Variants in KALRN observed in about 807,000 individuals in gnomAD.
KALRN encodes the protein kalirin RhoGEF kinase.
KALRN carries 70 observed loss-of-function variants against 353.7 expected under a neutral mutation model. The ratio of observed to expected loss-of-function variants is 0.20; its 90% CI spans 0.16 to 0.24. The LOEUF is 0.24. KALRN is among the 10% of genes least tolerant of loss of function. The probability of loss-of-function intolerance (pLI) is 1.00; values close to 1 mark genes in which losing one functional copy is unlikely to be tolerated. For missense variants in KALRN, 2,791 were observed against 3,756.7 expected, an observed-to-expected ratio of 0.74 and a Z score of 6.72; for synonymous variants, 1,391 against 1,434.8, an observed-to-expected ratio of 0.97 and a Z score of 0.69.
At chr3:124,058,474 C>T (rs2041743093) in intron 1 of KALRN, among the ~76,000 whole-genome samples, 1 of 152,126 alleles carries the variant, frequency 6.6e-6, no homozygotes, top group African/African-American at 2.4e-5. Flanking sequence ...ACCCATTTAT[C>T]TTTGTGCTTT....
intron 34 of KALRN, among the ~76,000 whole-genome samples, chr3:124,587,435 T>C (rs549335098): frequency 6.6e-6 from 1 of 152,262 alleles, no homozygotes; most frequent in East Asian, 1.9e-4. Context: ...AGGACAAAAG[T>C]AAAAGAACCA....
chr3:124,637,883 G>C (rs2081544811), intron 37 of KALRN, among the ~76,000 whole-genome samples: 1 of 152,082 alleles, frequency 6.6e-6, no homozygotes, highest in African/African-American at 2.4e-5. Context: ...GCCTGTGACT[G>C]TCTCATGGAC....
chr3:124,387,631 T>TC (rs2088598223), intron 11 of KALRN, among the ~76,000 whole-genome samples: 1 of 152,126 alleles, frequency 6.6e-6, no homozygotes, highest in Non-Finnish European at 1.5e-5. Context: ...ATTTTTTTTT[T>TC]CCATCAGAGA....
At chr3:124,520,711 A>G (rs963041656) in intron 33 of KALRN, among the ~76,000 whole-genome samples, 1 of 152,162 alleles carries the variant, frequency 6.6e-6, no homozygotes, top group Admixed American at 6.5e-5. Context: ...ATTGTTAAGA[A>G]CCTCATGGCT....
At chr3:124,037,305 G>A (rs1258457769) in intron 1 of KALRN, among the ~76,000 whole-genome samples, 2 of 152,214 alleles carry the variant, frequency 1.3e-5, no homozygotes, top group Non-Finnish European at 2.9e-5. Flanking sequence ...AACTACAGAG[G>A]AGGTGGAACT....
At chr3:124,215,273 G>A (rs890538968) in intron 1 of KALRN, among the ~76,000 whole-genome samples, 4 of 152,138 alleles carry the variant, frequency 2.6e-5, no homozygotes, top group Admixed American at 6.5e-5. Context: ...AGTACTCGCC[G>A]AATAGCCCAG....
chr3:124,507,846 A>G (rs2065408189), intron 33 of KALRN, among the ~76,000 whole-genome samples: 2 of 152,240 alleles, frequency 1.3e-5, no homozygotes, highest in Admixed American at 1.3e-4. Flanking sequence ...TTAAACCAGA[A>G]GCATACTTTT....
At position 124,446,712 on chromosome 3, in the gene KALRN, C is replaced by T. The variant is rs548814528; in HGVS notation, c.3430-51C>T. 11 of 1,610,890 alleles carry T rather than the reference C, an allele frequency of 6.8e-6. No individual in the cohort carries two copies. In the South Asian group the frequency reaches 1.2e-4, roughly 18 times the overall value. ...CCTTCATTGTAGTATGGCATGTTTT[C>T]CTACTGACAGCTGCCTTTTTGGGGA... On this transcript the variant is annotated intron_variant, in intron 20 of 59. Transcript: ENST00000682506.
chr3:124,166,912 G>GT (rs1332117491), intron 1 of KALRN, among the ~76,000 whole-genome samples: 1 of 152,078 alleles, frequency 6.6e-6, no homozygotes, highest in Non-Finnish European at 1.5e-5. Context: ...AGTCCTGGTG[G>GT]TATGTGCCTG....
At chr3:124,252,649 C>T (rs937432051) in intron 3 of KALRN, among the ~76,000 whole-genome samples, 1 of 152,176 alleles carries the variant, frequency 6.6e-6, no homozygotes, top group South Asian at 2.1e-4. Context: ...GAATAATAAC[C>T]TGGGTAAGAG....
At chr3:124,412,087 A>C (rs77009990) in intron 13 of KALRN, among the ~76,000 whole-genome samples, 1 of 151,974 alleles carries the variant, frequency 6.6e-6, no homozygotes, top group Non-Finnish European at 1.5e-5. Context: ...GTTGTTAGAC[A>C]AAAAAAATGA....
intron 38 of KALRN, among the ~76,000 whole-genome samples, chr3:124,651,420 ATC>A (rs1263147783): frequency 6.6e-6 from 1 of 152,216 alleles, no homozygotes. Flanking sequence ...TTAATTTTGC[ATC>A]TGTTTCTGGG....
chr3:124,282,836 G>A (rs2149056898), intron 5 of KALRN, among the ~76,000 whole-genome samples: 1 of 152,308 alleles, frequency 6.6e-6, no homozygotes, highest in South Asian at 2.1e-4. Context: ...ACACTGCCAA[G>A]CTTCTCCTTG....
chr3:124,489,301 C>T (rs2062887970), intron 29 of KALRN, among the ~76,000 whole-genome samples: 1 of 151,958 alleles, frequency 6.6e-6, no homozygotes, highest in Admixed American at 6.6e-5. Flanking sequence ...AGCAAGACTC[C>T]ATCTCAAAAA....
intron 5 of KALRN, among the ~76,000 whole-genome samples, chr3:124,292,768 C>T (rs963015937): frequency 4.6e-5 from 7 of 152,126 alleles, no homozygotes; most frequent in African/African-American, 9.7e-5. Flanking sequence ...ATAATGAAAA[C>T]ATTTAGGAAA....
intron 36 of KALRN, among the ~76,000 whole-genome samples, chr3:124,635,682 CT>C (rs1202242955): frequency 6.6e-6 from 1 of 152,082 alleles, no homozygotes; most frequent in Non-Finnish European, 1.5e-5. Flanking sequence ...CAATTGTCTT[CT>C]CCTTGTTTCC....
At chr3:124,125,108 G>A (rs1359481565) in intron 1 of KALRN, among the ~76,000 whole-genome samples, 1 of 152,154 alleles carries the variant, frequency 6.6e-6, no homozygotes, top group African/African-American at 2.4e-5. Flanking sequence ...AAGAGACATG[G>A]CCTCTGTACC....
intron 11 of KALRN, among the ~76,000 whole-genome samples, chr3:124,393,800 T>A (rs145691491): frequency 6.1e-4 from 93 of 152,340 alleles, no homozygotes; most frequent in African/African-American, 2.1e-3. Flanking sequence ...CACTTTCTTA[T>A]TCATGGCCTC....
At chr3:124,264,057 T>A (rs1580227526) in intron 3 of KALRN, among the ~76,000 whole-genome samples, 1 of 45,596 alleles carries the variant, frequency 2.2e-5, no homozygotes, top group Non-Finnish European at 5.1e-5. Context: ...GGACTTTGGA[T>A]TTTTTTTTTT....
Sources: allele counts gnomAD v4.1 joint callset (sites outside exome capture counted in the v4.1 genomes callset), GRCh38; gene constraint gnomAD v4.1.1; transcripts MANE v1.5; gene names NCBI Gene and HGNC (gene_info 2026-07-23, HGNC 2026-07-21).